DLG5: variants seen among roughly 807,000 people sequenced by gnomAD.
The protein encoded by DLG5 is discs large MAGUK scaffold protein 5.
DLG5 carries 48 observed loss-of-function variants against 189.8 expected under a neutral mutation model. The observed-to-expected ratio is 0.25, with a 90% CI of 0.20 to 0.32. DLG5 has a LOEUF of 0.32. Among genes scored for constraint, DLG5 ranks in the 10% least tolerant of loss-of-function variants. DLG5 has a pLI of 1.00. For synonymous variants in DLG5, 1,016 were observed against 1,054.1 expected, an observed-to-expected ratio of 0.96 and a Z score of 0.70; for missense variants, 2,160 against 2,544.7, an observed-to-expected ratio of 0.85 and a Z score of 3.25.
At chr10:77,879,792 A>T (rs1344239875) in intron 1 of DLG5, among the ~76,000 whole-genome samples, 1 of 151,234 alleles carries the variant, frequency 6.6e-6, no homozygotes, top group Non-Finnish European at 1.5e-5. Context: ...TGAAAGGGGG[A>T]AGCCTGCAGG....
rs61636782 is a variant in DLG5 at position 77,880,962 on chromosome 10, C to CTTTT, written c.305-11769_305-11766dup. Among the ~76,000 whole-genome samples the CTTTT allele has an allele frequency of 9.7e-3, 712 of 73,276 alleles. 99 individuals carry two copies. The highest frequency in any genetic ancestry group is 0.014 in the Non-Finnish European group (576 of 42,098). 48.1% of individuals were successfully genotyped at this position (73,276 alleles called of 152,430 possible). The stretch of plus-strand genomic sequence containing the variant: ...GGACTCTCATCCACTAACCCTAGAC[C>CTTTT]TTTTTTTTTTTTTTTTTTTTTTTTT... On this transcript the variant is annotated intron_variant, in intron 1 of 31. Transcript: ENST00000372391.
intron 1 of DLG5, among the ~76,000 whole-genome samples, chr10:77,886,762 C>A (rs1332159139): frequency 6.6e-6 from 1 of 152,130 alleles, no homozygotes; most frequent in Admixed American, 6.6e-5. Context: ...AAGATAAGGT[C>A]TTTAAAGATG....
At chr10:77,844,135 C>T (rs183784272) in intron 5 of DLG5, among the ~76,000 whole-genome samples, 1 of 152,306 alleles carries the variant, frequency 6.6e-6, no homozygotes, top group Admixed American at 6.5e-5. Context: ...CACCTGCTTT[C>T]TACTGGGAGT....
chr10:77,883,662 CT>C (rs1224503458), intron 1 of DLG5, among the ~76,000 whole-genome samples: 4 of 150,736 alleles, frequency 2.7e-5, no homozygotes, highest in African/African-American at 7.3e-5. Flanking sequence ...TATGGACCCC[CT>C]AAACAGTGAC....
In DLG5 at chr10:77,823,382, T is replaced by C. The variant is rs183490536; in HGVS notation, c.2382+1002A>G. Among the ~76,000 whole-genome samples the C allele has an allele frequency of 3.8e-3, 581 of 152,326 alleles. 2 individuals are homozygous for C. Among genetic ancestry groups the C allele is most frequent in the Non-Finnish European group, 6.1e-3 (417 of 68,022 alleles). ...TTTTTCTAACTTCCTATTATTAAAC[T>C]TTTCAAATATGTAGAAAAGTATAAT... is the stretch of plus-strand genomic sequence containing the variant. On this transcript the variant is annotated intron_variant, in intron 14 of 31. Coordinates refer to ENST00000372391, the MANE Select transcript of DLG5 (RefSeq NM_004747.4).
At chr10:77,873,913 G>T (rs1419525967) in intron 1 of DLG5, among the ~76,000 whole-genome samples, 1 of 152,206 alleles carries the variant, frequency 6.6e-6, no homozygotes, top group Admixed American at 6.5e-5. Context: ...CCTGAAGACA[G>T]AGCAGGAAGT....
chr10:77,921,969 C>G (rs1020120373), intron 1 of DLG5, among the ~76,000 whole-genome samples: 5 of 152,172 alleles, frequency 3.3e-5, no homozygotes, highest in Admixed American at 1.3e-4. Flanking sequence ...GTAATGAGAG[C>G]CACTAAAGGT....
chr10:77,893,835 A>T (rs1845680981), intron 1 of DLG5, among the ~76,000 whole-genome samples: 1 of 152,176 alleles, frequency 6.6e-6, no homozygotes, highest in African/African-American at 2.4e-5. Context: ...AAGGGACAGC[A>T]GTTTTTGACC....
chr10:77,794,450 C>T (rs186273515), intron 30 of DLG5, among the ~76,000 whole-genome samples: 3 of 152,318 alleles, frequency 2.0e-5, no homozygotes, highest in South Asian at 2.1e-4. Flanking sequence ...CGAAGCTCAG[C>T]GAAGGCAACG....
chr10:77,854,118 C>T lies in DLG5; in HGVS notation c.680+109G>A. The T allele has an allele frequency of 7.1e-6, 10 of 1,404,668 alleles. No homozygotes were observed. In the South Asian group the frequency reaches 9.9e-5, roughly 14 times the overall value. The allele number at this position is 1,404,668 out of a possible 1,614,324, so 87.0% of individuals were successfully genotyped here. The stretch of plus-strand genomic sequence containing the variant: ...TGTAGGCAGACTGCTTGCTCTTGCA[C>T]AGGGACAGGACTAGAACCAGAACCC... On this transcript the variant is annotated intron_variant, in intron 4 of 31. Transcript: ENST00000372391.
At chr10:77,843,426 C>A in intron 6 of DLG5, 21 bp downstream of exon 6, 1 of 1,610,108 alleles carries the variant, frequency 6.2e-7, no homozygotes, top group African/African-American at 1.3e-5. Context: ...TGCCCCCGGC[C>A]CCCGATGGCC....
chr10:77,927,473 C>T (rs1203838748), upstream of DLG5: 1 of 152,232 alleles, frequency 6.6e-6, no homozygotes, highest in Non-Finnish European at 1.5e-5. Context: ...CTCCAAGGAG[C>T]TCCTAAGAGA....
At chr10:77,870,183 TA>T (rs1353851183) in intron 1 of DLG5, among the ~76,000 whole-genome samples, 1 of 152,208 alleles carries the variant, frequency 6.6e-6, no homozygotes, top group Non-Finnish European at 1.5e-5. Flanking sequence ...GCAGGTCAGA[TA>T]AAACAAGGAC....
intron 15 of DLG5, 120 bp from the exon 16 acceptor site, chr10:77,820,138 G>C: frequency 1.4e-6 from 2 of 1,404,280 alleles, no homozygotes; most frequent in South Asian, 1.3e-5. Flanking sequence ...CTAAGGTCAG[G>C]AGTTCAAGAC....
At chr10:77,816,151 C>T (rs898752652) in intron 20 of DLG5, 3 of 492,632 alleles carry the variant, frequency 6.1e-6, no homozygotes, top group African/African-American at 5.8e-5. Context: ...TCTGTCACTC[C>T]AACGTCTGGA....
At chr10:77,927,185 G>C (rs1206488701), upstream of DLG5, 1 of 153,008 alleles carries the variant, frequency 6.5e-6, no homozygotes, top group Non-Finnish European at 1.5e-5. Context: ...GGAGGGGAGG[G>C]GTCCCCGGCC....
upstream of DLG5, among the ~76,000 whole-genome samples, chr10:77,930,882 A>G (rs1040189490): frequency 1.5e-5 from 2 of 133,180 alleles, no homozygotes; most frequent in African/African-American, 5.8e-5. Context: ...GTGCAATGGC[A>G]TGATCTCAGC....
chr10:77,894,420 T>C (rs2154577698), intron 1 of DLG5, among the ~76,000 whole-genome samples: 1 of 152,294 alleles, frequency 6.6e-6, no homozygotes, highest in East Asian at 1.9e-4. Flanking sequence ...AGAAAAGTTC[T>C]ATTTTTCCCC....
rs188921291 is a variant in DLG5 at position 77,882,382 on chromosome 10, T to C, written c.305-13185A>G. Among the ~76,000 whole-genome samples, 361 of 152,306 alleles carry C rather than the reference T, an allele frequency of 2.4e-3. 2 individuals carry two copies. The highest frequency in any genetic ancestry group is 0.024 in the South Asian group (114 of 4,828). ...CTGTCGTGCAGAGCAAATGAAATAC[T>C]GGATGCTGAAAGTGCTTCGTAACTG... On this transcript the variant is annotated intron_variant, in intron 1 of 31. Transcript: ENST00000372391.
Sources: gnomAD v4.1 joint callset for allele counts (sites outside exome capture counted in the v4.1 genomes callset) on GRCh38, gnomAD v4.1.1 for gene constraint, MANE v1.5 for transcripts, NCBI Gene and HGNC (gene_info 2026-07-23, HGNC 2026-07-21) for gene names.